The following PTPRK variants were observed in gnomAD, a reference collection of about 807,000 sequenced individuals.
The protein encoded by PTPRK is protein tyrosine phosphatase receptor type K.
PTPRK carries 75 observed loss-of-function variants against 178.0 expected under a neutral mutation model. That is an observed-to-expected ratio of 0.42 (90% CI 0.35 to 0.51). PTPRK has a LOEUF of 0.51. Ranked by LOEUF, PTPRK falls within the 20% of genes least tolerant of loss-of-function variation. The pLI is 0.02. For missense variants in PTPRK, 1,441 were observed against 1,797.8 expected (o/e 0.80, Z 3.59); for synonymous variants, 637 against 620.6 (o/e 1.03, Z -0.39).
intron 16 of PTPRK, among the ~76,000 whole-genome samples, chr6:127,997,398 G>A (rs1202486157): frequency 6.6e-6 from 1 of 151,996 alleles, no homozygotes; most frequent in African/African-American, 2.4e-5. Context: ...AAGAAAACCT[G>A]CTTCCCTCCA....
chr6:128,396,018 G>T (rs1338720746), intron 2 of PTPRK, among the ~76,000 whole-genome samples: 1 of 151,588 alleles, frequency 6.6e-6, no homozygotes, highest in African/African-American at 2.4e-5. Flanking sequence ...TATTTACTTT[G>T]TGTGCTTGTG....
At chr6:128,507,559 T>C (rs1562663471) in intron 1 of PTPRK, among the ~76,000 whole-genome samples, 1 of 152,124 alleles carries the variant, frequency 6.6e-6, no homozygotes, top group Non-Finnish European at 1.5e-5. Context: ...TCCTGGCTGA[T>C]AGGACTCTGC....
intron 3 of PTPRK, among the ~76,000 whole-genome samples, chr6:128,291,457 A>C (rs1823370532): frequency 6.6e-6 from 1 of 152,138 alleles, no homozygotes; most frequent in African/African-American, 2.4e-5. Context: ...TTATGGGATA[A>C]ATTAGAAAAC....
intron 6 of PTPRK, among the ~76,000 whole-genome samples, chr6:128,205,434 CAAAAG>C (rs779098693): frequency 7.9e-5 from 12 of 151,942 alleles, no homozygotes; most frequent in African/African-American, 2.7e-4. Context: ...TGAAGAAAAA[CAAAAG>C]GAAAGAAAGT....
At chr6:128,089,645 T>C in intron 8 of PTPRK, 45 bp downstream of exon 8, 1 of 1,505,866 alleles carries the variant, frequency 6.6e-7, no homozygotes, top group Non-Finnish European at 9.2e-7. Context: ...CACATTTTTC[T>C]TGTTAGAGAA....
chr6:128,309,192 C>A (rs76189120), intron 3 of PTPRK, among the ~76,000 whole-genome samples: 1,552 of 152,138 alleles, frequency 0.01, 27 homozygotes, highest in African/African-American at 0.035. Context: ...TTCACTAGAC[C>A]TTTTTAAAAA....
intron 1 of PTPRK, among the ~76,000 whole-genome samples, chr6:128,440,366 C>G (rs1846121191): frequency 6.6e-6 from 1 of 152,142 alleles, no homozygotes; most frequent in African/African-American, 2.4e-5. Flanking sequence ...CTTAGATCCT[C>G]TTTCTTTCTC....
At chr6:128,283,397 A>G (rs1821985370) in intron 3 of PTPRK, among the ~76,000 whole-genome samples, 1 of 152,232 alleles carries the variant, frequency 6.6e-6, no homozygotes, top group Non-Finnish European at 1.5e-5. Flanking sequence ...TTTTTGATGT[A>G]TGAGAAGAAT....
intron 6 of PTPRK, among the ~76,000 whole-genome samples, chr6:128,189,193 AAG>A (rs1026174414): frequency 8.0e-5 from 12 of 150,302 alleles, no homozygotes; most frequent in African/African-American, 2.9e-4. Context: ...CAGATTATTT[AAG>A]AGTTAATAAT....
chr6:128,314,166 A>G (rs1379959202), intron 3 of PTPRK, among the ~76,000 whole-genome samples: 1 of 152,154 alleles, frequency 6.6e-6, no homozygotes, highest in Non-Finnish European at 1.5e-5. Context: ...ACCTGGTCTA[A>G]TGCAGTTTCT....
intron 25 of PTPRK, among the ~76,000 whole-genome samples, chr6:127,980,503 A>C (rs1775200606): frequency 6.6e-6 from 1 of 151,628 alleles, no homozygotes; most frequent in African/African-American, 2.4e-5. Flanking sequence ...AAAAAAAAAA[A>C]CCAAAAACTA....
intron 1 of PTPRK, among the ~76,000 whole-genome samples, chr6:128,467,153 C>T (rs1408963084): frequency 6.6e-6 from 1 of 152,084 alleles, no homozygotes; most frequent in African/African-American, 2.4e-5. Context: ...GTGAGCACCA[C>T]CGCGCCCGGC....
At chr6:128,216,251 A>C (rs934431925) in intron 6 of PTPRK, among the ~76,000 whole-genome samples, 2 of 152,134 alleles carry the variant, frequency 1.3e-5, no homozygotes, top group African/African-American at 4.8e-5. Flanking sequence ...AAAAGGAAAA[A>C]TAAGGCCGGG....
chr6:128,126,819 G>A (rs1364849344), intron 7 of PTPRK, among the ~76,000 whole-genome samples: 1 of 152,230 alleles, frequency 6.6e-6, no homozygotes, highest in Admixed American at 6.5e-5. Flanking sequence ...AATTAGGTAA[G>A]AATGTGATTG....
At chr6:128,363,213 A>T (rs1835011106) in intron 2 of PTPRK, among the ~76,000 whole-genome samples, 1 of 152,134 alleles carries the variant, frequency 6.6e-6, no homozygotes. Flanking sequence ...CTTGTGACTA[A>T]TGAGCTGTGA....
At chr6:128,129,292 T>G (rs776262054) in intron 7 of PTPRK, among the ~76,000 whole-genome samples, 6 of 152,180 alleles carry the variant, frequency 3.9e-5, no homozygotes, top group Non-Finnish European at 7.4e-5. Context: ...AGAGGTAATA[T>G]TCCAATGTTA....
chr6:128,010,390 A>T (rs552794589), intron 13 of PTPRK, among the ~76,000 whole-genome samples: 1 of 151,182 alleles, frequency 6.6e-6, no homozygotes, highest in Non-Finnish European at 1.5e-5. Flanking sequence ...ACCTAACCTC[A>T]TGCCTTTCCA....
intron 13 of PTPRK, among the ~76,000 whole-genome samples, chr6:128,048,828 C>G (rs921569027): frequency 1.3e-5 from 2 of 152,120 alleles, no homozygotes; most frequent in African/African-American, 4.8e-5. Context: ...GGTCCCGGGA[C>G]CAGTCCTCCT....
chr6:128,336,229 T>C (rs1449767817), intron 2 of PTPRK, among the ~76,000 whole-genome samples: 2 of 151,966 alleles, frequency 1.3e-5, no homozygotes, highest in Admixed American at 1.3e-4. Context: ...TTTTTTGCCC[T>C]GAGAGCAACT....
Sources: gnomAD v4.1 joint callset for allele counts (sites outside exome capture counted in the v4.1 genomes callset) on GRCh38, gnomAD v4.1.1 for gene constraint, MANE v1.5 for transcripts, NCBI Gene and HGNC (gene_info 2026-07-23, HGNC 2026-07-21) for gene names.